The following GRIA4 variants were observed in gnomAD, a reference collection of about 807,000 sequenced individuals.
GRIA4 encodes the protein glutamate ionotropic receptor AMPA type subunit 4.
In GRIA4, 34 loss-of-function variants were observed where a neutral mutation model predicts 104.0. The ratio of observed to expected loss-of-function variants is 0.33; its 90% CI spans 0.25 to 0.44. The LOEUF (loss-of-function observed/expected upper bound fraction) is 0.44. GRIA4 is among the 20% of genes least tolerant of loss of function. The pLI, the probability that GRIA4 is intolerant of heterozygous loss-of-function variation, is 1.00. For missense variants in GRIA4, 750 were observed against 1,096.5 expected (o/e 0.68, Z 4.46); for synonymous variants, 386 against 381.9 (o/e 1.01, Z -0.13).
At chr11:105,873,532 C>T (rs1011139399) in intron 5 of GRIA4, among the ~76,000 whole-genome samples, 13 of 152,124 alleles carry the variant, frequency 8.5e-5, no homozygotes, top group Admixed American at 7.9e-4. Flanking sequence ...CTAATTTACA[C>T]TCCCTCCAAC....
chr11:105,860,632 C>A (rs1308607169), intron 4 of GRIA4, among the ~76,000 whole-genome samples: 2 of 152,000 alleles, frequency 1.3e-5, no homozygotes, highest in East Asian at 3.9e-4. Flanking sequence ...TTCAAAGAAT[C>A]TTTTTTTTAT....
At chr11:105,897,670 A>C (rs1331740989) in intron 6 of GRIA4, among the ~76,000 whole-genome samples, 1 of 152,028 alleles carries the variant, frequency 6.6e-6, no homozygotes, top group Non-Finnish European at 1.5e-5. Flanking sequence ...GGAGGATCGT[A>C]AGGTTTTTGT....
At chr11:105,894,644 A>AAGG (rs1056387509) in intron 6 of GRIA4, among the ~76,000 whole-genome samples, 8 of 152,176 alleles carry the variant, frequency 5.3e-5, no homozygotes, top group South Asian at 2.1e-4. Flanking sequence ...ATAAAAGAAA[A>AAGG]AGGAGGAGGA....
At position 105,933,985 on chromosome 11, in the gene GRIA4, T is replaced by C; in HGVS notation, c.2294+16T>C. The C allele has an allele frequency of 6.3e-7, 1 of 1,594,178 alleles. No homozygotes were observed. The highest frequency in any genetic ancestry group is 8.6e-7 in the Non-Finnish European group (1 of 1,166,734). ...CCTCATTAAGGTGGGTGGAATAGTA[T>C]AACAATATAACATGTGTTGTTATAG... On this transcript the variant is annotated intron_variant, in intron 14 of 16. Transcript: ENST00000282499.
intron 3 of GRIA4, among the ~76,000 whole-genome samples, chr11:105,618,861 A>T (rs963356588): frequency 4.6e-5 from 7 of 151,984 alleles, no homozygotes; most frequent in Admixed American, 3.9e-4. Context: ...AAACAGGTAA[A>T]ACAAAGAAAG....
intron 3 of GRIA4, among the ~76,000 whole-genome samples, chr11:105,668,215 C>T (rs57127120): frequency 8.2e-4 from 31 of 37,652 alleles, no homozygotes; most frequent in African/African-American, 1.9e-3. Flanking sequence ...CACACACACA[C>T]ACATATAATA....
chr11:105,690,411 A>G (rs1164737618), intron 3 of GRIA4, among the ~76,000 whole-genome samples: 1 of 152,200 alleles, frequency 6.6e-6, no homozygotes, highest in African/African-American at 2.4e-5. Flanking sequence ...TTCAAGGTGT[A>G]TGTGTTTAAA....
chr11:105,764,965 G>A (rs917124989), intron 4 of GRIA4, among the ~76,000 whole-genome samples: 3 of 151,984 alleles, frequency 2.0e-5, no homozygotes, highest in African/African-American at 7.3e-5. Context: ...TCAGAATGAG[G>A]TCAGCACTAC....
intron 4 of GRIA4, among the ~76,000 whole-genome samples, chr11:105,840,298 T>A (rs1367417495): frequency 6.6e-6 from 1 of 152,166 alleles, no homozygotes; most frequent in East Asian, 1.9e-4. Flanking sequence ...ACACAAGGAT[T>A]TTCTCACTGA....
chr11:105,805,075 C>G (rs1461840900), intron 4 of GRIA4, among the ~76,000 whole-genome samples: 3 of 151,874 alleles, frequency 2.0e-5, no homozygotes, highest in Non-Finnish European at 4.4e-5. Context: ...TTATAATGGA[C>G]TGAGAATGTA....
chr11:105,920,927 TTTTG>T (rs941176169), intron 11 of GRIA4, among the ~76,000 whole-genome samples: 6 of 152,144 alleles, frequency 3.9e-5, no homozygotes, highest in Admixed American at 3.3e-4. Context: ...CTCAACGTTT[TTTTG>T]TTTGTTTGTT....
At chr11:105,640,306 C>T (rs1371251838) in intron 3 of GRIA4, among the ~76,000 whole-genome samples, 2 of 151,830 alleles carry the variant, frequency 1.3e-5, no homozygotes, top group Non-Finnish European at 2.9e-5. Context: ...TTCTTAGCAA[C>T]ACATTTACAC....
chr11:105,623,243 T>C (rs1476195063), intron 3 of GRIA4, among the ~76,000 whole-genome samples: 1 of 151,822 alleles, frequency 6.6e-6, no homozygotes, highest in Non-Finnish European at 1.5e-5. Flanking sequence ...GTGGGATTGC[T>C]GGATCAAAGG....
intron 14 of GRIA4, among the ~76,000 whole-genome samples, chr11:105,939,403 T>G (rs369753781): frequency 6.6e-6 from 1 of 152,214 alleles, no homozygotes; most frequent in Non-Finnish European, 1.5e-5. Flanking sequence ...TTTGACAAGA[T>G]AAACTGCTAC....
At chr11:105,857,453 G>T (rs1468565757) in intron 4 of GRIA4, among the ~76,000 whole-genome samples, 1 of 152,084 alleles carries the variant, frequency 6.6e-6, no homozygotes, top group Non-Finnish European at 1.5e-5. Flanking sequence ...TATGCCCCTT[G>T]CCATGTTCCC....
rs1035133353 is a variant in GRIA4 at position 105,979,444 on chromosome 11, C to G, written c.2545-131C>G. 1.1e-5 allele frequency: 9 copies of G among 787,690 alleles called. No homozygotes were observed. The Admixed American group carries it at 1.7e-4, about 15-fold the overall frequency. The allele number at this position is 787,690 out of a possible 1,614,324, so 48.8% of individuals were successfully genotyped here. A position where few individuals can be genotyped will look rare whatever the true frequency, so the allele number is the denominator to read the frequency against. On this transcript the variant is annotated intron_variant, in intron 16 of 16. Coordinates refer to ENST00000282499, the MANE Select transcript of GRIA4 (RefSeq NM_000829.4). ...CCCTGGATAAGCAGTTTTCATATGA[C>G]CAAAAGAACATGGAAAAAATGCAGA...
chr11:105,826,855 C>T (rs1943788317), intron 4 of GRIA4, among the ~76,000 whole-genome samples: 1 of 152,004 alleles, frequency 6.6e-6, no homozygotes, highest in South Asian at 2.1e-4. Flanking sequence ...GGCACTATAT[C>T]GGCAGCTGTC....
intron 3 of GRIA4, among the ~76,000 whole-genome samples, chr11:105,683,915 G>A (rs1025804729): frequency 2.6e-5 from 4 of 151,836 alleles, no homozygotes; most frequent in African/African-American, 7.2e-5. Flanking sequence ...TCTCTCTGTC[G>A]CCAGGCTGGA....
chr11:105,719,513 G>A (rs1407300837), intron 3 of GRIA4, among the ~76,000 whole-genome samples: 3 of 152,108 alleles, frequency 2.0e-5, no homozygotes, highest in East Asian at 1.9e-4. Context: ...TTAGAGCAGC[G>A]GCTGAGCTTA....
Sources: gnomAD v4.1 joint callset for allele counts (sites outside exome capture counted in the v4.1 genomes callset) on GRCh38, gnomAD v4.1.1 for gene constraint, MANE v1.5 for transcripts, NCBI Gene and HGNC (gene_info 2026-07-23, HGNC 2026-07-21) for gene names.